The following DSCAM variants were observed in gnomAD, a reference collection of about 807,000 sequenced individuals.
DSCAM encodes DS cell adhesion molecule.
DSCAM carries 47 observed loss-of-function variants against 217.7 expected under a neutral mutation model. The ratio of observed to expected loss-of-function variants is 0.22; its 90% CI spans 0.17 to 0.28. The LOEUF is 0.28. Ranked by LOEUF, DSCAM falls within the 10% of genes least tolerant of loss-of-function variation. The pLI is 1.00. For synonymous variants in DSCAM, 1,056 were observed against 1,015.3 expected, an observed-to-expected ratio of 1.04 and a Z score of -0.76; for missense variants, 2,080 against 2,618.3, an observed-to-expected ratio of 0.79 and a Z score of 4.49.
At chr21:40,068,920 T>C (rs564943673) in intron 27 of DSCAM, among the ~76,000 whole-genome samples, 1 of 151,962 alleles carries the variant, frequency 6.6e-6, no homozygotes, top group South Asian at 2.1e-4. Flanking sequence ...ACCCCGTCTC[T>C]ACTAAAAATA....
chr21:40,211,303 G>T (rs975518365), intron 11 of DSCAM, among the ~76,000 whole-genome samples: 3 of 152,116 alleles, frequency 2.0e-5, no homozygotes, highest in Non-Finnish European at 4.4e-5. Flanking sequence ...TGTTGTTGCT[G>T]TTTGTCCAGA....
intron 19 of DSCAM, 148 bp downstream of exon 19, chr21:40,133,706 T>C (rs1001578298): frequency 9.0e-6 from 7 of 780,962 alleles, no homozygotes; most frequent in Non-Finnish European, 1.3e-5. Flanking sequence ...AGGAAGTTAA[T>C]GGTCTGAATT....
At chr21:40,348,090 C>T (rs9977168) in intron 5 of DSCAM, 145 bp from the exon 6 acceptor site, 13,495 of 623,672 alleles carry the variant, frequency 0.022, 240 homozygotes, top group Non-Finnish European at 0.029. Context: ...TGCAATCATA[C>T]TCCACACAGT....
At chr21:40,311,452 T>C (rs370501210) in intron 9 of DSCAM, among the ~76,000 whole-genome samples, 3 of 152,232 alleles carry the variant, frequency 2.0e-5, no homozygotes, top group African/African-American at 7.2e-5. Flanking sequence ...ACAGTTTAGA[T>C]GTAATGAGAT....
rs141752992 is a variant in DSCAM at position 40,737,368 on chromosome 21, T to C, written c.44-28597A>G. Among the ~76,000 whole-genome samples, 30 of 152,272 alleles carry C rather than the reference T, an allele frequency of 2.0e-4. 1 individual carries two copies. In the East Asian group the frequency reaches 5.8e-3, roughly 29 times the overall value. On this transcript the variant is annotated intron_variant, in intron 1 of 32. Coordinates refer to ENST00000400454, the MANE Select transcript of DSCAM (RefSeq NM_001389.5). ...AAAAACTCAGCAACCGGCCGGACAGTGGCTCACGCCTGTAATGCCAGCATT... is the reference window on the plus strand; with the variant it reads ...AAAAACTCAGCAACCGGCCGGACAGCGGCTCACGCCTGTAATGCCAGCATT...
At chr21:40,840,302 G>T (rs1431971561) in intron 1 of DSCAM, among the ~76,000 whole-genome samples, 1 of 152,144 alleles carries the variant, frequency 6.6e-6, no homozygotes, top group South Asian at 2.1e-4. Context: ...ATGAATTAAG[G>T]CCTGAGAAAG....
chr21:40,736,136 T>G (rs2091061062), intron 1 of DSCAM, among the ~76,000 whole-genome samples: 1 of 152,134 alleles, frequency 6.6e-6, no homozygotes, highest in African/African-American at 2.4e-5. Flanking sequence ...AACTCAGAAA[T>G]AGCCAAATGT....
chr21:40,639,179 C>T (rs541272761), intron 3 of DSCAM, among the ~76,000 whole-genome samples: 7 of 152,104 alleles, frequency 4.6e-5, no homozygotes, highest in East Asian at 1.9e-4. Context: ...GAAATCCACC[C>T]GTCGCTGGGA....
chr21:40,753,298 T>C (rs769317543), intron 1 of DSCAM, among the ~76,000 whole-genome samples: 3 of 152,224 alleles, frequency 2.0e-5, no homozygotes, highest in Admixed American at 6.5e-5. Flanking sequence ...GTTAGTCCAA[T>C]GTGGTGACAC....
intron 16 of DSCAM, among the ~76,000 whole-genome samples, chr21:40,150,280 G>A (rs1326594071): frequency 6.6e-6 from 1 of 152,166 alleles, no homozygotes; most frequent in African/African-American, 2.4e-5. Flanking sequence ...TGTTAGTTTT[G>A]TAAAGTAATA....
At chr21:40,304,594 C>G (rs113982828) in intron 9 of DSCAM, among the ~76,000 whole-genome samples, 3,130 of 152,320 alleles carry the variant, frequency 0.021, 111 homozygotes, top group African/African-American at 0.072. Context: ...TGAATGCAAT[C>G]ATTTCTAGCT....
At chr21:40,079,606 T>C (rs776345844) in intron 25 of DSCAM, among the ~76,000 whole-genome samples, 1 of 152,176 alleles carries the variant, frequency 6.6e-6, no homozygotes, top group East Asian at 1.9e-4. Flanking sequence ...CTTCTTCCTA[T>C]GCCCACATAG....
intron 11 of DSCAM, among the ~76,000 whole-genome samples, chr21:40,220,187 T>C (rs1465580239): frequency 1.3e-5 from 2 of 152,206 alleles, no homozygotes; most frequent in African/African-American, 2.4e-5. Context: ...GGAAGCAGGC[T>C]TTGGGAAGAT....
intron 11 of DSCAM, among the ~76,000 whole-genome samples, chr21:40,223,355 A>G (rs2091304751): frequency 6.6e-6 from 1 of 152,244 alleles, no homozygotes; most frequent in Non-Finnish European, 1.5e-5. Flanking sequence ...TGAACTTGCC[A>G]TCATCACCGC....
chr21:40,543,301 C>A (rs1287903085), intron 3 of DSCAM, among the ~76,000 whole-genome samples: 2 of 152,136 alleles, frequency 1.3e-5, no homozygotes. Context: ...CTGATTCCAG[C>A]AATCAATTAT....
At position 40,013,172 on chromosome 21, in the gene DSCAM, G is replaced by T. The variant is rs772161625; in HGVS notation, c.5901C>A (p.Ala1967=). 18 of 1,613,536 alleles carry T rather than the reference G, an allele frequency of 1.1e-5. No homozygotes were observed. The highest frequency in any genetic ancestry group is 1.4e-5 in the Non-Finnish European group (17 of 1,179,764). ...CCTCCCGCTGAGGTAATGTGGCCAC[G>T]GCCCCCGGCTGCCACGACTGTCCTT... ...TREGQSWQPG[A]VATLPQREGA... The change falls in exon 33 of 33, where the codon GCC becomes GCA. Residue 1967 remains alanine, a synonymous_variant. Transcript: ENST00000400454.
intron 3 of DSCAM, among the ~76,000 whole-genome samples, chr21:40,515,710 C>T (rs941099556): frequency 6.6e-6 from 1 of 152,126 alleles, no homozygotes; most frequent in Non-Finnish European, 1.5e-5. Context: ...ACTTTATTCC[C>T]GGGTGCACAA....
At chr21:40,528,410 T>C (rs997131296) in intron 3 of DSCAM, among the ~76,000 whole-genome samples, 2 of 152,234 alleles carry the variant, frequency 1.3e-5, no homozygotes, top group Admixed American at 6.5e-5. Context: ...TATACATTAT[T>C]ATACATAGAG....
chr21:40,714,260 G>A (rs1012433602), intron 1 of DSCAM, among the ~76,000 whole-genome samples: 1 of 152,118 alleles, frequency 6.6e-6, no homozygotes, highest in Non-Finnish European at 1.5e-5. Context: ...GTGGAGCCAC[G>A]GAAGTGGGGC....
Sources: allele counts gnomAD v4.1 joint callset (sites outside exome capture counted in the v4.1 genomes callset), GRCh38; gene constraint gnomAD v4.1.1; transcripts MANE v1.5; gene names NCBI Gene and HGNC (gene_info 2026-07-23, HGNC 2026-07-21).